Variants in PDE10A observed in about 807,000 individuals in gnomAD.
PDE10A encodes cAMP and cAMP-inhibited cGMP 3',5'-cyclic phosphodiesterase 10A.
PDE10A carries 39 observed loss-of-function variants against 97.7 expected under a neutral mutation model. The observed-to-expected ratio is 0.40, with a 90% confidence interval of 0.31 to 0.52. The LOEUF (loss-of-function observed/expected upper bound fraction) is 0.52. PDE10A is among the 20% of genes least tolerant of loss of function. The pLI, the probability that PDE10A is intolerant of heterozygous loss-of-function variation, is 0.56. For synonymous variants in PDE10A, 371 were observed against 376.8 expected (o/e 0.98, Z 0.18); for missense variants, 731 against 1,047.8 (o/e 0.70, Z 4.17).
chr6:165,679,521 A>G (rs1179462629), intron 1 of PDE10A, among the ~76,000 whole-genome samples: 1 of 152,286 alleles, frequency 6.6e-6, no homozygotes, highest in South Asian at 2.1e-4. Flanking sequence ...TCCTCCTGAC[A>G]GGCCTCCTGG....
chr6:165,893,686 A>C (rs1185456695), intron 1 of PDE10A, among the ~76,000 whole-genome samples: 1 of 152,066 alleles, frequency 6.6e-6, no homozygotes, highest in Non-Finnish European at 1.5e-5. Flanking sequence ...CTGTATACCC[A>C]CATATTCGTA....
chr6:165,604,400 C>T (rs542349074), intron 1 of PDE10A, among the ~76,000 whole-genome samples: 1 of 151,988 alleles, frequency 6.6e-6, no homozygotes, highest in Admixed American at 6.6e-5. Context: ...TCCTTCTGGT[C>T]CAGCTGACTA....
At chr6:165,595,808 G>T (rs1786551510) in intron 1 of PDE10A, among the ~76,000 whole-genome samples, 1 of 152,190 alleles carries the variant, frequency 6.6e-6, no homozygotes, top group South Asian at 2.1e-4. Context: ...GGGGAAAGCA[G>T]CATTTTGGGG....
intron 1 of PDE10A, among the ~76,000 whole-genome samples, chr6:165,547,150 C>A (rs1038607782): frequency 6.6e-6 from 1 of 152,076 alleles, no homozygotes; most frequent in African/African-American, 2.4e-5. Flanking sequence ...TATATTTGAA[C>A]GAGTATATTT....
At chr6:165,740,412 C>A (rs1792690897) in intron 1 of PDE10A, among the ~76,000 whole-genome samples, 1 of 151,990 alleles carries the variant, frequency 6.6e-6, no homozygotes, top group African/African-American at 2.4e-5. Context: ...CTCACTGCAA[C>A]CTCCGTCCCC....
chr6:165,348,013 T>C, intron 18 of PDE10A, among the ~76,000 whole-genome samples: 1 of 152,216 alleles, frequency 6.6e-6, no homozygotes, highest in East Asian at 1.9e-4. Flanking sequence ...TTCTTTGACG[T>C]GCACGTACCT....
At chr6:165,929,289 AGTGGCT>A (rs1783049444) in intron 1 of PDE10A, among the ~76,000 whole-genome samples, 1 of 152,178 alleles carries the variant, frequency 6.6e-6, no homozygotes, top group Non-Finnish European at 1.5e-5. Context: ...TGGTGTAGGA[AGTGGCT>A]GGACACGGGG....
chr6:165,699,380 T>G (rs1791514847), intron 1 of PDE10A, among the ~76,000 whole-genome samples: 1 of 152,042 alleles, frequency 6.6e-6, no homozygotes, highest in South Asian at 2.1e-4. Context: ...AATAGAAAAT[T>G]CAACAAAAAT....
chr6:165,485,015 G>A (rs1255651954), intron 2 of PDE10A, among the ~76,000 whole-genome samples: 1 of 152,158 alleles, frequency 6.6e-6, no homozygotes, highest in African/African-American at 2.4e-5. Context: ...AAAGAAAGCT[G>A]CATTTAATAG....
intron 1 of PDE10A, among the ~76,000 whole-genome samples, chr6:165,799,336 A>G (rs1778917354): frequency 6.6e-6 from 1 of 152,050 alleles, no homozygotes; most frequent in Non-Finnish European, 1.5e-5. Context: ...ATTGGAGGTC[A>G]TTTTTCTTTT....
chr6:165,498,164 C>A (rs2128292843), intron 2 of PDE10A, among the ~76,000 whole-genome samples: 2 of 151,890 alleles, frequency 1.3e-5, no homozygotes, highest in Middle Eastern at 6.8e-3. Flanking sequence ...GTAATCCCAG[C>A]ACTTTGGGAG....
chr6:165,503,597 G>A (rs115106699), intron 2 of PDE10A, among the ~76,000 whole-genome samples: 13 of 152,048 alleles, frequency 8.5e-5, no homozygotes, highest in Admixed American at 1.3e-4. Context: ...AAAGCCAAAG[G>A]CTCCTTTTCT....
intron 1 of PDE10A, among the ~76,000 whole-genome samples, chr6:165,634,542 G>T (rs553478736): frequency 6.6e-6 from 1 of 152,076 alleles, no homozygotes; most frequent in Non-Finnish European, 1.5e-5. Context: ...AAACTACAGC[G>T]AGACAAAGAT....
At chr6:165,365,747 T>G (rs1783733285) in intron 18 of PDE10A, among the ~76,000 whole-genome samples, 1 of 152,020 alleles carries the variant, frequency 6.6e-6, no homozygotes, top group African/African-American at 2.4e-5. Context: ...AAATTAAAAT[T>G]TAAAAGGTGA....
intron 1 of PDE10A, among the ~76,000 whole-genome samples, chr6:165,576,924 A>G (rs1186195407): frequency 2.6e-5 from 4 of 152,218 alleles, no homozygotes; most frequent in Non-Finnish European, 4.4e-5. Flanking sequence ...CAGTCATGGT[A>G]ATGCTCTCCT....
At chr6:165,672,627 T>C (rs144640177) in intron 1 of PDE10A, among the ~76,000 whole-genome samples, 16 of 152,280 alleles carry the variant, frequency 1.1e-4, no homozygotes, top group African/African-American at 3.8e-4. Context: ...GTTCTCATGG[T>C]AGTGCTAAGG....
At chr6:165,386,473 G>C (rs974154000) in intron 17 of PDE10A, among the ~76,000 whole-genome samples, 1 of 152,166 alleles carries the variant, frequency 6.6e-6, no homozygotes, top group Non-Finnish European at 1.5e-5. Flanking sequence ...TTTAGGGCAT[G>C]GGATGCTAAT....
In PDE10A at chr6:165,706,324, C is replaced by T. The variant is rs530104325; in HGVS notation, c.-614-162756G>A. ...TTACTAAGCCAGCTTCTGATGATGACGGTTTTGGCTTCCTAGATATCTCAG... is the reference window on the plus strand; with the variant it reads ...TTACTAAGCCAGCTTCTGATGATGATGGTTTTGGCTTCCTAGATATCTCAG... On this transcript the variant is annotated intron_variant, in intron 1 of 19. Transcript: ENST00000366882. Among the ~76,000 whole-genome samples the T allele has an allele frequency of 5.3e-5, 8 of 152,200 alleles. No homozygotes were observed. In the East Asian group the frequency reaches 5.8e-4, roughly 11 times the overall value.
chr6:165,660,467 G>A (rs1790187194), intron 1 of PDE10A: 1 of 152,498 alleles, frequency 6.6e-6, no homozygotes, highest in African/African-American at 2.4e-5. Flanking sequence ...GCCCGCACGG[G>A]TGTACGAGAG....
Sources: gnomAD v4.1 joint callset for allele counts (sites outside exome capture counted in the v4.1 genomes callset) on GRCh38, gnomAD v4.1.1 for gene constraint, MANE v1.5 for transcripts, NCBI Gene and HGNC (gene_info 2026-07-23, HGNC 2026-07-21) for gene names.